Variants in DEDD2 observed in about 807,000 individuals in gnomAD.
DEDD2 encodes death effector domain containing 2, also known as DNA-binding death effector domain-containing protein 2.
In DEDD2, 18 loss-of-function variants were observed where a neutral mutation model predicts 28.9. The ratio of observed to expected loss-of-function variants is 0.62; its 90% confidence interval spans 0.43 to 0.92. The LOEUF is 0.92. Ranked by LOEUF, DEDD2 falls within the 40% of genes least tolerant of loss-of-function variation. The probability of loss-of-function intolerance (pLI) is 0.00; values close to 1 mark genes in which losing one functional copy is unlikely to be tolerated. For synonymous variants in DEDD2, 211 were observed against 206.1 expected (o/e 1.02, Z -0.20); for missense variants, 411 against 463.3 (o/e 0.89, Z 1.04).
Position 42,199,807 on chromosome 19 carries a change from T to C in DEDD2, c.612A>G (p.Ala204=). 1.3e-6 allele frequency: 2 copies of C among 1,599,170 alleles called. No individual in the cohort carries two copies. Among genetic ancestry groups the C allele is most frequent in the South Asian group, 2.2e-5 (2 of 89,398 alleles). ...AGGCTGGCCCATGCTCGCAGTACTC[T>C]GCTCGAACCCGGAGCCGGATGTCTG... ...VTCDIRLRVR[A]EYCEHGPALE... The change falls in exon 5 of 5, where the codon GCA becomes GCG. Residue 204 remains alanine (A), a synonymous_variant. Coordinates refer to ENST00000596251, the MANE Select transcript of DEDD2 (RefSeq NM_133328.4). This position sits in a 1 kb window ranked among gnomAD's most constrained non-coding sequence, Gnocchi z 7.4.
At chr19:42,211,817 C>A (rs2035777819) in intron 3 of DEDD2, 1 of 151,928 alleles carries the variant, frequency 6.6e-6, no homozygotes, top group African/African-American at 2.4e-5. Flanking sequence ...GCGGGCGGAT[C>A]ACCTCAAGTC....
At chr19:42,211,069 C>CA (rs750942650) in intron 3 of DEDD2, among the ~76,000 whole-genome samples, 1,424 of 51,320 alleles carry the variant, frequency 0.028, 19 homozygotes, top group Middle Eastern at 0.044. Flanking sequence ...GACCCTGTCT[C>CA]AAAAAAAAAA....
At chr19:42,213,782 TA>T (rs548629538) in intron 3 of DEDD2, among the ~76,000 whole-genome samples, 3,907 of 152,234 alleles carry the variant, frequency 0.026, 170 homozygotes, top group African/African-American at 0.088. Context: ...GTATGGGGTG[TA>T]GGGGCAGTTT....
intron 4 of DEDD2, among the ~76,000 whole-genome samples, chr19:42,201,474 A>G (rs2035327591): frequency 6.6e-6 from 1 of 152,254 alleles, no homozygotes; most frequent in Admixed American, 6.5e-5. Context: ...AACCCCTCTG[A>G]TAGGCCAATT....
At position 42,217,022 on chromosome 19, in the gene DEDD2, GGCGGAACAA is replaced by G. The variant is rs1418477357; in HGVS notation, c.-24_-16del. 7 of 1,564,658 alleles carry G rather than the reference GGCGGAACAA, an allele frequency of 4.5e-6. No individual in the cohort carries two copies. Among genetic ancestry groups the G allele is most frequent in the Non-Finnish European group, 6.1e-6 (7 of 1,155,358 alleles). ...GATAGCGCCATTCCCGGGGGAGGGA[GGCGGAACAA>G]GCTCAGAACCCGGCCTAGAACCCAC... On this transcript the variant is annotated 5_prime_UTR_variant, in exon 2 of 5. Coordinates refer to ENST00000596251, the MANE Select transcript of DEDD2 (RefSeq NM_133328.4).
intron 4 of DEDD2, chr19:42,202,091 A>G (rs1037331736): frequency 2.8e-5 from 11 of 398,642 alleles, no homozygotes; most frequent in African/African-American, 2.1e-4. Flanking sequence ...CAAACAAACA[A>G]GAGGTCCCTG....
chr19:42,199,555 C>A lies in DEDD2; in HGVS notation c.864G>T (p.Val288=), dbSNP rs775587280. The A allele has an allele frequency of 4.4e-5, 71 of 1,613,960 alleles. No individual in the cohort carries two copies. The highest frequency in any genetic ancestry group is 5.7e-5 in the Non-Finnish European group (67 of 1,179,976). The change falls in exon 5 of 5, where the codon GTG becomes GTT. Residue 288 remains valine (V), a synonymous_variant. Coordinates refer to ENST00000596251, the MANE Select transcript of DEDD2 (RefSeq NM_133328.4). The surrounding 1 kb of genome is among the most constrained non-coding windows in gnomAD (Gnocchi z 7.4). Reference sequence around the variant, plus strand: ...CCAGCAGGCGAACAGCCTCCCGGCCCACAGCCTCTCGCAGGGCCTCAGTCA... The same window carrying A: ...CCAGCAGGCGAACAGCCTCCCGGCCAACAGCCTCTCGCAGGGCCTCAGTCA... ...VFLTEALREA[V]GREAVRLLVS... is the part of the protein sequence containing the mutation.
At chr19:42,208,318 CCTT>C (rs949692423) in intron 4 of DEDD2, among the ~76,000 whole-genome samples, 4 of 146,740 alleles carry the variant, frequency 2.7e-5, no homozygotes, top group African/African-American at 9.9e-5. Flanking sequence ...CAGTGCCCTT[CCTT>C]ATTTCCTAGG....
intron 4 of DEDD2, among the ~76,000 whole-genome samples, chr19:42,205,430 G>A (rs547149541): frequency 1.3e-5 from 2 of 152,152 alleles, no homozygotes; most frequent in South Asian, 2.1e-4. Context: ...GGGAGTTCGA[G>A]ACCAGCCTGA....
At chr19:42,209,501 A>G (rs1339095495) in intron 4 of DEDD2, among the ~76,000 whole-genome samples, 199 bp downstream of exon 4, 1 of 152,232 alleles carries the variant, frequency 6.6e-6, no homozygotes, top group Non-Finnish European at 1.5e-5. Flanking sequence ...GAGGTGGCAC[A>G]AGATCTGATC....
rs759230730 is a variant in DEDD2, at chr19:42,216,794, G to A, written c.214C>T (p.Leu72=). Residue 72 remains leucine, a synonymous_variant, in exon 2 of 5, where the codon CTG becomes TTG. Coordinates refer to ENST00000596251, the MANE Select transcript of DEDD2 (RefSeq NM_133328.4). ...TCGTCGCACTGCCCGCGGCGCTCCA[G>A]CTCCAGCAGGAGCTCTAGGCCGCTG... is the stretch of plus-strand genomic sequence containing the variant. ...ARSGLELLLE[L]ERRGQCDESN... is the part of the protein sequence containing the mutation. The A allele has an allele frequency of 6.3e-7, 1 of 1,586,548 alleles. No homozygotes were observed. The highest frequency in any genetic ancestry group is 8.6e-7 in the Non-Finnish European group (1 of 1,166,754).
chr19:42,201,856 C>G (rs1437228038), intron 4 of DEDD2: 2 of 396,560 alleles, frequency 5.0e-6, no homozygotes, highest in African/African-American at 4.1e-5. Context: ...ATCCTTGACT[C>G]CAGTAAGCAA....
intron 4 of DEDD2, among the ~76,000 whole-genome samples, chr19:42,200,661 G>A (rs1237896230): frequency 3.3e-5 from 5 of 152,214 alleles, no homozygotes; most frequent in African/African-American, 1.2e-4. Context: ...TGTGCCAAGA[G>A]GAGAGAAGGA....
chr19:42,210,331 A>G (rs1033980310), intron 3 of DEDD2, among the ~76,000 whole-genome samples: 1 of 152,240 alleles, frequency 6.6e-6, no homozygotes, highest in Non-Finnish European at 1.5e-5. Flanking sequence ...AGCACAGACT[A>G]GAAATGAATG....
intron 4 of DEDD2, among the ~76,000 whole-genome samples, chr19:42,202,407 C>T (rs905727959): frequency 4.6e-5 from 7 of 152,176 alleles, no homozygotes; most frequent in Non-Finnish European, 1.0e-4. Context: ...TTTGCCAAGG[C>T]TCAGCTCGTG....
At chr19:42,211,497 T>A (rs2035763795) in intron 3 of DEDD2, among the ~76,000 whole-genome samples, 1 of 152,048 alleles carries the variant, frequency 6.6e-6, no homozygotes, top group Admixed American at 6.6e-5. Context: ...ATTGTATACA[T>A]AATTGGTAAC....
chr19:42,217,356 C>A (rs1224555059), intron 1 of DEDD2, among the ~76,000 whole-genome samples: 1 of 152,228 alleles, frequency 6.6e-6, no homozygotes, highest in East Asian at 1.9e-4. Context: ...TGCTGACTGC[C>A]CCTGACTCTG....
At chr19:42,214,628 T>G (rs1334298588) in intron 3 of DEDD2, among the ~76,000 whole-genome samples, 1 of 151,990 alleles carries the variant, frequency 6.6e-6, no homozygotes, top group Non-Finnish European at 1.5e-5. Flanking sequence ...CCAGGCATGG[T>G]GGCATACCCC....
Position 42,216,867 on chromosome 19 carries a change from A to T in DEDD2, c.141T>A (p.Phe47Leu). The change falls in exon 2 of 5, where the codon TTT becomes TTA. Residue 47 changes from phenylalanine to leucine, a missense_variant. Around this residue, in one of 2 missense-constraint regions of DEDD2, gnomAD observed 282 missense variants for 273.4 expected, o/e 1.03. Transcript: ENST00000596251. ...LTECELELLA[F>L]LLDEAPGAAG... ...CGGCGCCAGGAGCCTCATCCAGCAG[A>T]AAGGCCAGGAGCTCCAGCTCGCACT... The T allele has an allele frequency of 6.3e-7, 1 of 1,595,230 alleles. No homozygotes were observed. The highest frequency in any genetic ancestry group is 8.5e-7 in the Non-Finnish European group (1 of 1,171,472).
Sources: allele counts gnomAD v4.1 joint callset (sites outside exome capture counted in the v4.1 genomes callset), GRCh38; gene constraint gnomAD v4.1.1; regional missense constraint gnomAD v4.1.1; non-coding constraint Gnocchi (gnomAD v3.1); transcripts MANE v1.5; gene names NCBI Gene and HGNC (gene_info 2026-07-23, HGNC 2026-07-21).